ARRDC5: variants seen among roughly 807,000 people sequenced by gnomAD.
ARRDC5 encodes the protein arrestin domain containing 5.
In ARRDC5, 12 loss-of-function variants were observed where a neutral mutation model predicts 13.3. The ratio of observed to expected loss-of-function variants is 0.90; its 90% confidence interval spans 0.58 to 1.46. The LOEUF (loss-of-function observed/expected upper bound fraction) is 1.46. ARRDC5 is among the 40% of genes most tolerant of loss of function. ARRDC5 has a pLI of 0.00. For missense variants in ARRDC5, 406 were observed against 418.7 expected (o/e 0.97, Z 0.26); for synonymous variants, 181 against 173.4 (o/e 1.04, Z -0.34).
chr19:4,903,006 G>T, upstream of ARRDC5: 1 of 617,638 alleles, frequency 1.6e-6, no homozygotes, highest in Non-Finnish European at 2.7e-6. Flanking sequence ...GGTTGATTGG[G>T]AAACCTGTAG....
chr19:4,915,985 T>C, the ARRDC5 span, among the ~76,000 whole-genome samples: 1 of 152,128 alleles, frequency 6.6e-6, no homozygotes, highest in Non-Finnish European at 1.5e-5. Context: ...AGCCTGTGTC[T>C]GTGTGGATTA....
At chr19:4,901,190 G>A (rs569054509) in intron 1 of ARRDC5, among the ~76,000 whole-genome samples, 1 of 152,128 alleles carries the variant, frequency 6.6e-6, no homozygotes, top group African/African-American at 2.4e-5. Flanking sequence ...ATGGTGCCAT[G>A]TGCCTGTGGT....
At chr19:4,914,406 T>C in the ARRDC5 span, among the ~76,000 whole-genome samples, 30 of 152,188 alleles carry the variant, frequency 2.0e-4, 1 homozygote, top group South Asian at 1.5e-3. Context: ...TCTTTTTTTT[T>C]CCCTGTTTAA....
rs374018644 is a variant in ARRDC5, at chr19:4,891,475, C to A, written c.558G>T (p.Thr186=). 3.1e-6 allele frequency: 5 copies of A among 1,613,666 alleles called. No homozygotes were observed. Among genetic ancestry groups the A allele is most frequent in the South Asian group, 2.2e-5 (2 of 91,090 alleles). The change falls in exon 3 of 3, where the codon ACG becomes ACT. Residue 186 remains threonine (T), a synonymous_variant. Transcript: ENST00000650722. ...LQIQMERNTF[T]PGEKVVFTTE... ...TTGTGAAGACGACCTTCTCTCCTGG[C>A]GTGAAGGTGTTCCTTTCCATCTGGA...
rs1488907553 is a variant in ARRDC5, at chr19:4,891,089, G to A, written c.944C>T (p.Ser315Leu). 1.9e-6 allele frequency: 3 copies of A among 1,613,832 alleles called. No individual in the cohort carries two copies. Among genetic ancestry groups the A allele is most frequent in the Non-Finnish European group, 2.5e-6 (3 of 1,179,818 alleles). ...GTTCACGGGTAACACTCCGTCCTCTGACAGCTGGCAGATGGCAGAGTCCAC... is the reference window on the plus strand; with the variant it reads ...GTTCACGGGTAACACTCCGTCCTCTAACAGCTGGCAGATGGCAGAGTCCAC... ...ASVDSAICQLSEDGVLPVNPD... is the reference protein window; with the variant it reads ...ASVDSAICQLLEDGVLPVNPD... The change falls in exon 3 of 3, where the codon TCA (serine) becomes TTA (leucine). Residue 315 changes from serine (S) to leucine (L), a missense_variant. Ser to Leu is a moderately radical substitution (Grantham distance 145). Coordinates refer to ENST00000650722, the MANE Select transcript of ARRDC5 (RefSeq NM_001080523.3).
chr19:4,910,477 TC>T, the ARRDC5 span: 2 of 156,888 alleles, frequency 1.3e-5, no homozygotes, highest in Non-Finnish European at 2.8e-5. Context: ...GCGCTGGACT[TC>T]TGGGATTCCC....
intron 2 of ARRDC5, among the ~76,000 whole-genome samples, chr19:4,896,346 A>T (rs1180382386): frequency 2.8e-5 from 2 of 72,126 alleles, no homozygotes; most frequent in African/African-American, 1.6e-4. Flanking sequence ...ATATATATAT[A>T]TATTTTTTTT....
At chr19:4,902,044 G>A (rs995437019) in intron 1 of ARRDC5, among the ~76,000 whole-genome samples, 3 of 152,104 alleles carry the variant, frequency 2.0e-5, no homozygotes, top group Non-Finnish European at 4.4e-5. Flanking sequence ...GTGCCAGCAC[G>A]CCCAGCTAAT....
At chr19:4,913,842 G>A in the ARRDC5 span, among the ~76,000 whole-genome samples, 1,941 of 114,166 alleles carry the variant, frequency 0.017, 55 homozygotes, top group African/African-American at 0.065. Context: ...AGACAGTTTC[G>A]CTCTTATTGC....
chr19:4,894,973 G>C (rs114198090), intron 2 of ARRDC5, among the ~76,000 whole-genome samples: 1 of 152,000 alleles, frequency 6.6e-6, no homozygotes, highest in South Asian at 2.1e-4. Context: ...TCGAAAATTC[G>C]TAGCATGCGT....
the ARRDC5 span, among the ~76,000 whole-genome samples, chr19:4,909,971 C>T: frequency 6.6e-6 from 1 of 150,776 alleles, no homozygotes; most frequent in East Asian, 2.0e-4. Flanking sequence ...TCAATTGTCG[C>T]GCCCGAGCCC....
At chr19:4,899,655 C>T (rs1302001099) in intron 1 of ARRDC5, among the ~76,000 whole-genome samples, 8 of 144,692 alleles carry the variant, frequency 5.5e-5, no homozygotes, top group Admixed American at 2.9e-4. Context: ...AGCGGCCGGG[C>T]GCGGTGGCTC....
At chr19:4,896,365 C>T (rs1490308923) in intron 2 of ARRDC5, among the ~76,000 whole-genome samples, 7 of 86,632 alleles carry the variant, frequency 8.1e-5, no homozygotes, top group African/African-American at 3.3e-4. Context: ...TTTTTTTACA[C>T]ACACACACAC....
upstream of ARRDC5, among the ~76,000 whole-genome samples, chr19:4,907,680 A>G (rs898456136): frequency 2.2e-5 from 3 of 136,642 alleles, no homozygotes; most frequent in Admixed American, 7.4e-5. Flanking sequence ...GAGGCTGCCC[A>G]TCTTCCTTGC....
chr19:4,904,271 C>T (rs189655110), upstream of ARRDC5, among the ~76,000 whole-genome samples: 9 of 152,092 alleles, frequency 5.9e-5, no homozygotes, highest in East Asian at 9.6e-4. Context: ...CTCCGCCTCC[C>T]GTGTTCATGC....
chr19:4,896,313 CAA>C (rs559677827), intron 2 of ARRDC5, among the ~76,000 whole-genome samples: 1,171 of 53,474 alleles, frequency 0.022, 25 homozygotes, highest in African/African-American at 0.034. Context: ...GACTGCATCT[CAA>C]AAAAAAAAAA....
rs768402144 is a variant in ARRDC5 at position 4,891,300 on chromosome 19, C to T, written c.733G>A (p.Val245Met). ...ACCTTGGTGGTGTTGAAGCGGGTCA[C>T]GGGGGTGTTGGCCTCCTGCCTCAGA... ...ELLRQEANTP[V>M]TRFNTTKVVS... is the part of the protein sequence containing the mutation. The change falls in exon 3 of 3, where the codon GTG becomes ATG. Residue 245 changes from valine (V) to methionine (M), a missense_variant. Coordinates refer to ENST00000650722, the MANE Select transcript of ARRDC5 (RefSeq NM_001080523.3). 61 of 1,613,732 alleles carry T rather than the reference C, an allele frequency of 3.8e-5. 1 individual carries two copies. The East Asian group carries it at 5.1e-4, about 14-fold the overall frequency.
chr19:4,891,496 C>A lies in ARRDC5; in HGVS notation c.537G>T (p.Gln179His). Residue 179 changes from glutamine to histidine, a missense_variant, in exon 3 of 3, where the codon CAG (glutamine) becomes CAT (histidine). Transcript: ENST00000650722. Reference sequence around the variant, plus strand: ...CTGGCGTGAAGGTGTTCCTTTCCATCTGGATTTGCAAACAGACAGTGCCCT... The same window carrying A: ...CTGGCGTGAAGGTGTTCCTTTCCATATGGATTTGCAAACAGACAGTGCCCT... The part of the protein sequence containing the change: ...CRQGTVCLQI[Q>H]MERNTFTPGE... 6.2e-7 allele frequency: 1 copy of A among 1,613,914 alleles called. No homozygotes were observed. Among genetic ancestry groups the A allele is most frequent in the Non-Finnish European group, 8.5e-7 (1 of 1,179,884 alleles).
At chr19:4,895,937 C>T (rs1350011816) in intron 2 of ARRDC5, among the ~76,000 whole-genome samples, 2 of 152,192 alleles carry the variant, frequency 1.3e-5, no homozygotes, top group Admixed American at 1.3e-4. Flanking sequence ...CAGATGTCTC[C>T]AGACATTGCC....
Sources: gnomAD v4.1 joint callset for allele counts (sites outside exome capture counted in the v4.1 genomes callset) on GRCh38, gnomAD v4.1.1 for gene constraint, MANE v1.5 for transcripts, NCBI Gene and HGNC (gene_info 2026-07-23, HGNC 2026-07-21) for gene names.